The following GPALPP1 variants were observed in gnomAD, a reference collection of about 807,000 sequenced individuals.
The protein encoded by GPALPP1 is GPALPP motifs containing 1.
A neutral mutation model predicts 38.9 loss-of-function variants in GPALPP1; 30 were observed. That is an observed-to-expected ratio of 0.77 (90% confidence interval 0.58 to 1.05). GPALPP1 has a LOEUF of 1.05. GPALPP1 is among the 50% of genes least tolerant of loss of function. The pLI is 0.00. For missense variants in GPALPP1, 384 were observed against 408.8 expected, an observed-to-expected ratio of 0.94 and a Z score of 0.52; for synonymous variants, 120 against 139.2, an observed-to-expected ratio of 0.86 and a Z score of 0.97.
intron 1 of GPALPP1, among the ~76,000 whole-genome samples, chr13:45,003,494 A>C (rs1041743668): frequency 6.6e-6 from 1 of 152,228 alleles, no homozygotes; most frequent in Admixed American, 6.5e-5. Context: ...AATCTTTTAA[A>C]AATACATAGA....
intron 2 of GPALPP1, among the ~76,000 whole-genome samples, chr13:45,005,887 G>T (rs1027386116): frequency 1.3e-5 from 2 of 152,028 alleles, no homozygotes; most frequent in Non-Finnish European, 2.9e-5. Context: ...TTAGCTGGGC[G>T]TGGTGGCGCT....
At chr13:45,032,993 C>T (rs1341990346), downstream of GPALPP1, among the ~76,000 whole-genome samples, 5 of 150,710 alleles carry the variant, frequency 3.3e-5, no homozygotes, top group South Asian at 2.1e-4. Context: ...GCCAAGATCG[C>T]GCCACTGCAC....
chr13:44,991,533 T>C (rs1354439829), intron 1 of GPALPP1, among the ~76,000 whole-genome samples: 1 of 152,252 alleles, frequency 6.6e-6, no homozygotes, highest in Non-Finnish European at 1.5e-5. Flanking sequence ...AGTGTGTCAT[T>C]TTAAACACAT....
chr13:45,037,229 A>T (rs1001660641), exon 8 of GPALPP1: 4 of 152,230 alleles, frequency 2.6e-5, no homozygotes, highest in African/African-American at 9.6e-5. Flanking sequence ...TCTTCATACA[A>T]TCAGAGCTCT....
At chr13:45,001,837 A>G (rs950974102) in intron 1 of GPALPP1, 1 of 152,216 alleles carries the variant, frequency 6.6e-6, no homozygotes, top group African/African-American at 2.4e-5. Flanking sequence ...GCACACCACC[A>G]TGCCCAGCTA....
At position 45,023,045 on chromosome 13, in the gene GPALPP1, A is replaced by C. The variant is rs377431166; in HGVS notation, c.804+2617A>C. Among the ~76,000 whole-genome samples, 3 of 151,274 alleles carry C rather than the reference A, an allele frequency of 2.0e-5. No homozygotes were observed. The East Asian group carries it at 5.8e-4, about 29-fold the overall frequency. ...TCTACACAGAGCAAGACCTGTCTCTAAAAAACTTTTTTTTAATAAATAAAA... is the reference window on the plus strand; with the variant it reads ...TCTACACAGAGCAAGACCTGTCTCTCAAAAACTTTTTTTTAATAAATAAAA... On this transcript the variant is annotated intron_variant, in intron 7 of 7. Coordinates refer to ENST00000379151, the MANE Select transcript of GPALPP1 (RefSeq NM_018559.5).
In GPALPP1 at chr13:45,027,876, T is replaced by C. The variant is rs1875948249; in HGVS notation, c.896T>C (p.Ile299Thr). 6.2e-7 allele frequency: 1 copy of C among 1,604,772 alleles called. No individual in the cohort carries two copies. Among genetic ancestry groups the C allele is most frequent in the African/African-American group, 1.3e-5 (1 of 74,846 alleles). ...AEDKNKPQER[I>T]PFDRDKDLKV... ...GACAAAAATAAGCCTCAAGAGAGAA[T>C]ACCATTTGACCGTGATAAAGATCTC... The change falls in exon 8 of 8, where the codon ATA becomes ACA. Residue 299 changes from isoleucine (I) to threonine (T), a missense_variant. Physicochemically the swap from Ile to Thr is moderately conservative, Grantham distance 89. Transcript: ENST00000379151.
At position 44,989,648 on chromosome 13, in the gene GPALPP1, A is replaced by G; in HGVS notation, c.-7A>G. The G allele has an allele frequency of 6.2e-7, 1 of 1,610,978 alleles. No individual in the cohort carries two copies. Among genetic ancestry groups the G allele is most frequent in the Non-Finnish European group, 8.5e-7 (1 of 1,177,994 alleles). ...CTCATATCTGTGACCAGTGTCCGCC[A>G]CCGCGGATGGCAAGAGACCTGATCG... On this transcript the variant is annotated 5_prime_UTR_variant, in exon 1 of 8. Transcript: ENST00000379151.
chr13:45,012,863 C>T (rs1183041075), intron 4 of GPALPP1, among the ~76,000 whole-genome samples: 1 of 152,116 alleles, frequency 6.6e-6, no homozygotes, highest in Admixed American at 6.5e-5. Context: ...TTAAGACATA[C>T]ACAATAATAT....
chr13:45,033,423 T>G (rs1423192038), downstream of GPALPP1: 1 of 46,708 alleles, frequency 2.1e-5, no homozygotes, highest in African/African-American at 4.3e-5. Flanking sequence ...TTTCAAAAGC[T>G]CATGCTACTT....
At chr13:45,036,033 C>T (rs1334404097) in exon 8 of GPALPP1, 3 of 152,224 alleles carry the variant, frequency 2.0e-5, no homozygotes, top group Non-Finnish European at 4.4e-5. Context: ...AACCACCGCA[C>T]TTACATGTGT....
intron 1 of GPALPP1, among the ~76,000 whole-genome samples, chr13:44,995,169 A>AACACACACACACACACACACACACAC (rs371911111): frequency 0.02 from 2,514 of 128,180 alleles, 100 homozygotes; most frequent in African/African-American, 0.048. Context: ...CCTATCTTTA[A>AACACACACACACACACACACACACAC]ACACACACAC....
At position 45,008,400 on chromosome 13, in the gene GPALPP1, G is replaced by A. The variant is rs533012816; in HGVS notation, c.324-395G>A. Among the ~76,000 whole-genome samples, 5 of 152,076 alleles carry A rather than the reference G, an allele frequency of 3.3e-5. No homozygotes were observed. In the South Asian group the frequency reaches 6.2e-4, roughly 19 times the overall value. ...ATAATGCCCCTAAGGTATCTTTCAC[G>A]GGATAATGAATCTCAAAACTGAAGG... On this transcript the variant is annotated intron_variant, in intron 3 of 7. Coordinates refer to ENST00000379151, the MANE Select transcript of GPALPP1 (RefSeq NM_018559.5).
At chr13:45,011,061 G>A (rs191383623) in intron 4 of GPALPP1, among the ~76,000 whole-genome samples, 10 of 151,306 alleles carry the variant, frequency 6.6e-5, no homozygotes, top group African/African-American at 2.2e-4. Context: ...ATGAATTGGA[G>A]CTAGTTCAGC....
At chr13:45,010,929 G>A (rs964379168) in intron 4 of GPALPP1, among the ~76,000 whole-genome samples, 5 of 152,184 alleles carry the variant, frequency 3.3e-5, no homozygotes, top group African/African-American at 7.2e-5. Context: ...GTTGCAGTGA[G>A]CTGAGATCAT....
intron 6 of GPALPP1, among the ~76,000 whole-genome samples, chr13:45,018,124 G>A (rs1345486721): frequency 6.6e-6 from 1 of 152,134 alleles, no homozygotes; most frequent in South Asian, 2.1e-4. Flanking sequence ...TTGTCTGGGC[G>A]TGGTGGCTCA....
At chr13:45,012,453 A>G (rs996521206) in intron 4 of GPALPP1, among the ~76,000 whole-genome samples, 2 of 152,224 alleles carry the variant, frequency 1.3e-5, no homozygotes, top group Non-Finnish European at 2.9e-5. Context: ...GTGATGACAT[A>G]TTGGTGTTTA....
rs60384935 is a variant in GPALPP1 at position 45,025,773 on chromosome 13, A to ATT, written c.805-1998_805-1997dup. On this transcript the variant is annotated intron_variant, in intron 7 of 7. Coordinates refer to ENST00000379151, the MANE Select transcript of GPALPP1 (RefSeq NM_018559.5). ...TCCATGCTCCGTGTATTGATTATCTATTTTTTTTTTTTTTTAAGACAGAGT... is the reference window on the plus strand; with the variant it reads ...TCCATGCTCCGTGTATTGATTATCTATTTTTTTTTTTTTTTTTAAGACAGAGT... 1.6e-4 allele frequency among the ~76,000 whole-genome samples: 23 copies of ATT among 140,092 alleles called. 1 individual carries two copies. Among genetic ancestry groups the ATT allele is most frequent in the Non-Finnish European group, 3.5e-4 (22 of 63,436 alleles). The allele number at this position is 140,092 out of a possible 152,430, so 91.9% of individuals were successfully genotyped here. A position where few individuals can be genotyped will look rare whatever the true frequency, so the allele number is the denominator to read the frequency against.
intron 7 of GPALPP1, among the ~76,000 whole-genome samples, chr13:45,026,824 A>G (rs1471348177): frequency 6.6e-6 from 1 of 152,200 alleles, no homozygotes; most frequent in Non-Finnish European, 1.5e-5. Context: ...GATTAAAGGA[A>G]GTTTCAATCA....
Sources: allele counts gnomAD v4.1 joint callset (sites outside exome capture counted in the v4.1 genomes callset), GRCh38; gene constraint gnomAD v4.1.1; transcripts MANE v1.5; gene names NCBI Gene and HGNC (gene_info 2026-07-23, HGNC 2026-07-21).